MARCHF1: variants seen among roughly 807,000 people sequenced by gnomAD.
The protein encoded by MARCHF1 is membrane associated ring-CH-type finger 1.
Under a neutral mutation model 54.2 loss-of-function variants are expected in MARCHF1, and 40 were observed. The ratio of observed to expected loss-of-function variants is 0.74; its 90% confidence interval spans 0.57 to 0.96. MARCHF1 has a LOEUF of 0.96. Among genes scored for constraint, MARCHF1 ranks in the 40% least tolerant of loss-of-function variants. MARCHF1 has a pLI of 0.00. For synonymous variants in MARCHF1, 236 were observed against 236.3 expected (o/e 1.00, Z 0.01); for missense variants, 586 against 656.5 (o/e 0.89, Z 1.17).
chr4:164,229,206 A>G (rs111311917), intron 1 of MARCHF1, among the ~76,000 whole-genome samples: 187 of 152,304 alleles, frequency 1.2e-3, no homozygotes, highest in African/African-American at 4.3e-3. Context: ...CTCCTTTTGC[A>G]TGTGGACTAG....
At chr4:163,536,940 C>A (rs767438393) in intron 9 of MARCHF1, among the ~76,000 whole-genome samples, 17 of 152,134 alleles carry the variant, frequency 1.1e-4, no homozygotes, top group Non-Finnish European at 1.8e-4. Context: ...GCACCCCAAT[C>A]CCCACATACA....
At chr4:163,698,537 G>GT (rs1436705095) in intron 5 of MARCHF1, among the ~76,000 whole-genome samples, 7 of 152,058 alleles carry the variant, frequency 4.6e-5, no homozygotes, top group Admixed American at 2.0e-4. Flanking sequence ...TAAGAATAGA[G>GT]TTTTTTTATT....
Position 164,013,834 on chromosome 4 carries a change from T to A in MARCHF1, c.-247-25125A>T, listed in dbSNP as rs114595658. On this transcript the variant is annotated intron_variant, in intron 2 of 9. Coordinates refer to ENST00000514618, the MANE Select transcript of MARCHF1 (RefSeq NM_001394959.1). ...AAGACTTTCCTATACAAACAAAAGC[T>A]GAGGAATTTCTCAACACCAGACTTG... Among the ~76,000 whole-genome samples the A allele has an allele frequency of 9.8e-3, 1,489 of 152,248 alleles. 19 individuals carry two copies. Among genetic ancestry groups the A allele is most frequent in the African/African-American group, 0.033 (1,365 of 41,548 alleles).
At chr4:163,615,517 C>T (rs4290862) in intron 5 of MARCHF1, among the ~76,000 whole-genome samples, 61,672 of 151,418 alleles carry the variant, frequency 0.41, 13,302 homozygotes, top group East Asian at 0.55. Flanking sequence ...ATAAATTTAA[C>T]TAAGAAGGTG....
intron 3 of MARCHF1, among the ~76,000 whole-genome samples, chr4:163,914,656 C>A (rs990836680): frequency 2.0e-5 from 3 of 151,928 alleles, no homozygotes; most frequent in Non-Finnish European, 2.9e-5. Flanking sequence ...TCAAATATTT[C>A]CAAATTATTT....
At chr4:163,976,207 T>C (rs1370092168) in intron 3 of MARCHF1, among the ~76,000 whole-genome samples, 1 of 152,108 alleles carries the variant, frequency 6.6e-6, no homozygotes, top group African/African-American at 2.4e-5. Flanking sequence ...GCTATGGTGG[T>C]CATCTAACGG....
At chr4:163,953,067 C>A (rs946833308) in intron 3 of MARCHF1, among the ~76,000 whole-genome samples, 1 of 152,086 alleles carries the variant, frequency 6.6e-6, no homozygotes, top group Non-Finnish European at 1.5e-5. Context: ...CATTTTTTGA[C>A]CTCCATGTTC....
chr4:163,819,857 C>T (rs1579312603), intron 4 of MARCHF1, among the ~76,000 whole-genome samples: 1 of 152,216 alleles, frequency 6.6e-6, no homozygotes, highest in East Asian at 1.9e-4. Context: ...CTACAGCTTT[C>T]ATCTCATCCT....
intron 4 of MARCHF1, among the ~76,000 whole-genome samples, chr4:163,741,046 A>G (rs7669226): frequency 0.4 from 60,893 of 151,968 alleles, 12,809 homozygotes; most frequent in Non-Finnish European, 0.47. Context: ...TTGTCTACTT[A>G]GTCTTTGTAG....
Position 163,940,210 on chromosome 4 carries a change from T to C in MARCHF1, c.-39+48291A>G, listed in dbSNP as rs116326549. Among the ~76,000 whole-genome samples the C allele has an allele frequency of 5.4e-3, 823 of 152,226 alleles. 8 individuals carry two copies. The highest frequency in any genetic ancestry group is 0.02 in the Middle Eastern group (6 of 294). On this transcript the variant is annotated intron_variant, in intron 3 of 9. Coordinates refer to ENST00000514618, the MANE Select transcript of MARCHF1 (RefSeq NM_001394959.1). ...CCAGACCAAAAAACAAAGAAATAAATTTCTGTTGTTTAGCCACTAACTTTA... is the reference window on the plus strand; with the variant it reads ...CCAGACCAAAAAACAAAGAAATAAACTTCTGTTGTTTAGCCACTAACTTTA...
At chr4:164,052,977 C>T (rs1418667780) in intron 2 of MARCHF1, among the ~76,000 whole-genome samples, 1 of 152,120 alleles carries the variant, frequency 6.6e-6, no homozygotes, top group East Asian at 1.9e-4. Flanking sequence ...GTAACTGTCT[C>T]ATATAATTTC....
intron 3 of MARCHF1, among the ~76,000 whole-genome samples, chr4:163,891,350 T>C (rs184346589): frequency 1.3e-5 from 2 of 152,268 alleles, no homozygotes; most frequent in Non-Finnish European, 1.5e-5. Flanking sequence ...ATAAAAGGTG[T>C]TAACTAAAAA....
chr4:163,917,508 C>A (rs1751335788), intron 3 of MARCHF1, among the ~76,000 whole-genome samples: 1 of 152,084 alleles, frequency 6.6e-6, no homozygotes, highest in Admixed American at 6.6e-5. Context: ...AGTCCTTAAT[C>A]ACATAAAATG....
rs139421882 is a variant in MARCHF1, at chr4:163,895,197, T to C, written c.-38-41028A>G. On this transcript the variant is annotated intron_variant, in intron 3 of 9. Transcript: ENST00000514618. ...AATGCACTTGCAATGGCTAGAATGT[T>C]GGCAACTTTTACAAGGAAGTTTTCA... Among the ~76,000 whole-genome samples the C allele has an allele frequency of 1.9e-3, 285 of 152,306 alleles. 3 individuals carry two copies. Among genetic ancestry groups the C allele is most frequent in the African/African-American group, 6.8e-3 (283 of 41,574 alleles).
At chr4:163,785,950 A>G (rs1561076615) in intron 4 of MARCHF1, among the ~76,000 whole-genome samples, 1 of 152,050 alleles carries the variant, frequency 6.6e-6, no homozygotes, top group Non-Finnish European at 1.5e-5. Context: ...GTCAGGGAAG[A>G]TATTATAAAG....
At chr4:164,332,827 A>T (rs1374993976) in intron 1 of MARCHF1, among the ~76,000 whole-genome samples, 2 of 152,160 alleles carry the variant, frequency 1.3e-5, no homozygotes, top group African/African-American at 4.8e-5. Flanking sequence ...CATTAACATA[A>T]TTAGATGTTT....
intron 5 of MARCHF1, among the ~76,000 whole-genome samples, chr4:163,613,818 T>A (rs1400394810): frequency 6.6e-6 from 1 of 152,148 alleles, no homozygotes; most frequent in East Asian, 1.9e-4. Context: ...TGCTAGATAC[T>A]TCCTGAAGCT....
intron 3 of MARCHF1, among the ~76,000 whole-genome samples, chr4:163,900,498 T>A (rs533920231): frequency 2.2e-4 from 33 of 152,094 alleles, no homozygotes; most frequent in Non-Finnish European, 4.4e-4. Context: ...TGTAGTTGAG[T>A]TGGATAATAA....
At chr4:164,249,519 T>C (rs1733062181) in intron 1 of MARCHF1, among the ~76,000 whole-genome samples, 1 of 152,010 alleles carries the variant, frequency 6.6e-6, no homozygotes, top group African/African-American at 2.4e-5. Context: ...GATACCCCAT[T>C]ACTAACTGTC....
Sources: allele counts gnomAD v4.1 joint callset (sites outside exome capture counted in the v4.1 genomes callset), GRCh38; gene constraint gnomAD v4.1.1; transcripts MANE v1.5; gene names NCBI Gene and HGNC (gene_info 2026-07-23, HGNC 2026-07-21).